Variants in HHAT observed in about 807,000 individuals in gnomAD.
HHAT encodes protein-cysteine N-palmitoyltransferase HHAT.
In HHAT, 47 loss-of-function variants were observed where a neutral mutation model predicts 70.8. The ratio of observed to expected loss-of-function variants is 0.66; its 90% CI spans 0.53 to 0.85. The LOEUF (loss-of-function observed/expected upper bound fraction) is 0.85. Among genes scored for constraint, HHAT ranks in the 40% least tolerant of loss-of-function variants. The pLI is 0.00. For synonymous variants in HHAT, 228 were observed against 247.6 expected (o/e 0.92, Z 0.74); for missense variants, 609 against 604.8 (o/e 1.01, Z -0.07).
chr1:210,405,952 A>C (rs1253105321), intron 6 of HHAT, among the ~76,000 whole-genome samples: 1 of 152,172 alleles, frequency 6.6e-6, no homozygotes, highest in Non-Finnish European at 1.5e-5. Flanking sequence ...ATGATTTGCA[A>C]AGTGTGGTTC....
At chr1:210,574,817 G>A (rs1657263189) in intron 9 of HHAT, among the ~76,000 whole-genome samples, 1 of 152,208 alleles carries the variant, frequency 6.6e-6, no homozygotes, top group Non-Finnish European at 1.5e-5. Context: ...TGTCCTCAGA[G>A]CACTTTCTTC....
At chr1:210,673,394 T>C (rs570600528) in intron 11 of HHAT, among the ~76,000 whole-genome samples, 2 of 152,242 alleles carry the variant, frequency 1.3e-5, no homozygotes, top group Admixed American at 1.3e-4. Flanking sequence ...ACGGTGATTT[T>C]TGTGTCTTGT....
At chr1:210,405,665 C>A (rs2092300857) in intron 6 of HHAT, among the ~76,000 whole-genome samples, 1 of 152,142 alleles carries the variant, frequency 6.6e-6, no homozygotes, top group Non-Finnish European at 1.5e-5. Context: ...CTCAAAGTTC[C>A]ACTGAATTAT....
chr1:210,365,153 G>A (rs2088784966), intron 3 of HHAT, among the ~76,000 whole-genome samples: 1 of 152,074 alleles, frequency 6.6e-6, no homozygotes, highest in Non-Finnish European at 1.5e-5. Context: ...TGTAGGAAGT[G>A]GCAAGCACAT....
In HHAT at chr1:210,393,802, G is replaced by T. The variant is rs188119420; in HGVS notation, c.273+6221G>T. On this transcript the variant is annotated intron_variant, in intron 4 of 11. Transcript: ENST00000261458. ...TCATCCTCTGGGTGACCACGGGTTTGATTTGTGAGACAGCTGGTGGGCCGG... is the reference window on the plus strand; with the variant it reads ...TCATCCTCTGGGTGACCACGGGTTTTATTTGTGAGACAGCTGGTGGGCCGG... Among the ~76,000 whole-genome samples the T allele has an allele frequency of 4.2e-3, 639 of 152,270 alleles. 3 individuals are homozygous for T. The highest frequency in any genetic ancestry group is 9.9e-3 in the Admixed American group (151 of 15,296).
At chr1:210,518,132 C>T (rs931344130) in intron 9 of HHAT, among the ~76,000 whole-genome samples, 2 of 152,164 alleles carry the variant, frequency 1.3e-5, no homozygotes, top group Non-Finnish European at 2.9e-5. Context: ...TGGTAATATA[C>T]AATACCTTAC....
chr1:210,450,546 T>A (rs2093731564), intron 7 of HHAT, among the ~76,000 whole-genome samples: 1 of 151,536 alleles, frequency 6.6e-6, no homozygotes, highest in South Asian at 2.1e-4. Flanking sequence ...GCCCAGGCTG[T>A]AGTGCAGTGG....
chr1:210,554,006 T>C (rs1029242012), intron 9 of HHAT, among the ~76,000 whole-genome samples: 1 of 152,204 alleles, frequency 6.6e-6, no homozygotes, highest in African/African-American at 2.4e-5. Flanking sequence ...GTGGACAGGC[T>C]ACATTTCTGT....
chr1:210,439,218 C>T (rs1347499545), intron 7 of HHAT, among the ~76,000 whole-genome samples: 1 of 151,850 alleles, frequency 6.6e-6, no homozygotes, highest in Non-Finnish European at 1.5e-5. Flanking sequence ...ATTTATTTCT[C>T]AAATTCTCAG....
intron 8 of HHAT, among the ~76,000 whole-genome samples, chr1:210,497,766 A>AT (rs574819096): frequency 0.021 from 2,809 of 135,308 alleles, 77 homozygotes; most frequent in African/African-American, 0.06. Flanking sequence ...GCTGACTCTA[A>AT]TTTTTTTTTT....
chr1:210,356,094 A>ATTT (rs11449276), intron 2 of HHAT, among the ~76,000 whole-genome samples: 18 of 140,014 alleles, frequency 1.3e-4, no homozygotes, highest in African/African-American at 3.2e-4. Flanking sequence ...TTGCTTGGCT[A>ATTT]TTTTTTTTTT....
At chr1:210,602,987 G>T (rs766856361) in intron 10 of HHAT, among the ~76,000 whole-genome samples, 2 of 152,134 alleles carry the variant, frequency 1.3e-5, no homozygotes, top group Non-Finnish European at 2.9e-5. Context: ...ATTTTCAAGG[G>T]TTCTTTTTAA....
At chr1:210,664,987 T>A (rs952449194) in intron 11 of HHAT, among the ~76,000 whole-genome samples, 1 of 152,048 alleles carries the variant, frequency 6.6e-6, no homozygotes, top group Non-Finnish European at 1.5e-5. Flanking sequence ...CAGCATCTCC[T>A]GGAGTCGCCT....
chr1:210,430,542 C>A (rs949957700), intron 7 of HHAT, among the ~76,000 whole-genome samples: 1 of 151,824 alleles, frequency 6.6e-6, no homozygotes, highest in African/African-American at 2.4e-5. Flanking sequence ...TGCCTTTTCT[C>A]TACATTAATG....
intron 8 of HHAT, among the ~76,000 whole-genome samples, chr1:210,507,154 T>A (rs926619268): frequency 2.0e-5 from 3 of 152,104 alleles, no homozygotes; most frequent in Non-Finnish European, 4.4e-5. Flanking sequence ...GTCATGAGAC[T>A]GGGAATAAAG....
At chr1:210,595,253 A>T (rs971213371) in intron 10 of HHAT, among the ~76,000 whole-genome samples, 1 of 152,054 alleles carries the variant, frequency 6.6e-6, no homozygotes, top group African/African-American at 2.4e-5. Context: ...GCTGAGAATG[A>T]TGGTTTCCAG....
intron 11 of HHAT, among the ~76,000 whole-genome samples, chr1:210,672,766 G>C (rs1008935930): frequency 6.6e-6 from 1 of 152,142 alleles, no homozygotes; most frequent in Non-Finnish European, 1.5e-5. Flanking sequence ...AGAAGAAAAA[G>C]AAAAGAACAT....
intron 7 of HHAT, among the ~76,000 whole-genome samples, chr1:210,429,125 A>T (rs2093167086): frequency 6.6e-6 from 1 of 151,890 alleles, no homozygotes; most frequent in African/African-American, 2.4e-5. Context: ...CTTATGAGAA[A>T]TTTTAAATAT....
chr1:210,611,822 A>G (rs919371796), intron 10 of HHAT, among the ~76,000 whole-genome samples: 2 of 152,078 alleles, frequency 1.3e-5, no homozygotes, highest in African/African-American at 2.4e-5. Context: ...TGATTTGCGT[A>G]TGTGGAACCA....
Sources: gnomAD v4.1 joint callset for allele counts (sites outside exome capture counted in the v4.1 genomes callset) on GRCh38, gnomAD v4.1.1 for gene constraint, MANE v1.5 for transcripts, NCBI Gene and HGNC (gene_info 2026-07-23, HGNC 2026-07-21) for gene names.